The following CDH4 variants were observed in gnomAD, a reference collection of about 807,000 sequenced individuals.
The protein encoded by CDH4 is cadherin-4.
In CDH4, 33 loss-of-function variants were observed where a neutral mutation model predicts 86.0. The ratio of observed to expected loss-of-function variants is 0.38; its 90% CI spans 0.29 to 0.51. The LOEUF (loss-of-function observed/expected upper bound fraction) is 0.51. Ranked by LOEUF, CDH4 falls within the 20% of genes least tolerant of loss-of-function variation. The pLI is 0.86. For missense variants in CDH4, 1,114 were observed against 1,307.4 expected (o/e 0.85, Z 2.28); for synonymous variants, 555 against 549.4 (o/e 1.01, Z -0.14).
intron 4 of CDH4, among the ~76,000 whole-genome samples, chr20:61,794,902 C>G (rs1284223253): frequency 6.6e-6 from 1 of 151,950 alleles, no homozygotes; most frequent in African/African-American, 2.4e-5. Flanking sequence ...GTCAAACTGG[C>G]CTAATTCCTG....
intron 2 of CDH4, among the ~76,000 whole-genome samples, chr20:61,366,777 T>C (rs1346899886): frequency 6.6e-6 from 1 of 152,230 alleles, no homozygotes; most frequent in Non-Finnish European, 1.5e-5. Flanking sequence ...CCTTCCAGCA[T>C]GGGCGTTATG....
At chr20:61,358,337 C>T (rs1407187238) in intron 2 of CDH4, among the ~76,000 whole-genome samples, 2 of 152,198 alleles carry the variant, frequency 1.3e-5, no homozygotes, top group Non-Finnish European at 2.9e-5. Flanking sequence ...CACACAGCAC[C>T]CACATCAGTC....
At chr20:61,874,092 G>A (rs189485365) in intron 7 of CDH4, among the ~76,000 whole-genome samples, 192 bp downstream of exon 7, 455 of 152,306 alleles carry the variant, frequency 3.0e-3, no homozygotes, top group African/African-American at 0.01. Flanking sequence ...TGCTATGAGC[G>A]AGTCCTTGTG....
At chr20:61,727,038 C>T (rs975847214) in intron 2 of CDH4, among the ~76,000 whole-genome samples, 1 of 151,950 alleles carries the variant, frequency 6.6e-6, no homozygotes, top group African/African-American at 2.4e-5. Flanking sequence ...CCATCATCAC[C>T]ATCGCTGCTA....
intron 6 of CDH4, among the ~76,000 whole-genome samples, chr20:61,869,223 A>C (rs6061874): frequency 6.6e-6 from 1 of 152,018 alleles, no homozygotes; most frequent in Admixed American, 6.5e-5. Flanking sequence ...TTAAAAACCA[A>C]TGTTGTCCCT....
At chr20:61,292,282 C>T (rs2084326626) in intron 2 of CDH4, among the ~76,000 whole-genome samples, 1 of 152,222 alleles carries the variant, frequency 6.6e-6, no homozygotes. Flanking sequence ...TAGATATACA[C>T]CATGGAATAT....
chr20:61,816,578 G>A (rs1047661514), intron 4 of CDH4, among the ~76,000 whole-genome samples: 17 of 152,146 alleles, frequency 1.1e-4, no homozygotes, highest in African/African-American at 3.9e-4. Flanking sequence ...GCCGAAATAC[G>A]CTCCATGTGT....
chr20:61,792,315 C>T (rs984813509), intron 4 of CDH4, among the ~76,000 whole-genome samples: 3 of 152,150 alleles, frequency 2.0e-5, no homozygotes, highest in Non-Finnish European at 4.4e-5. Flanking sequence ...GAGGTGCCCA[C>T]GTGTGGGGTG....
At chr20:61,291,994 G>A (rs563277644) in intron 2 of CDH4, among the ~76,000 whole-genome samples, 8 of 152,128 alleles carry the variant, frequency 5.3e-5, no homozygotes, top group African/African-American at 1.4e-4. Flanking sequence ...GAGAACATGC[G>A]GTATTCGGTT....
chr20:61,284,187 T>C (rs981533006), intron 2 of CDH4, among the ~76,000 whole-genome samples: 1 of 148,886 alleles, frequency 6.7e-6, no homozygotes, highest in South Asian at 2.1e-4. Context: ...TAGTGGTGGG[T>C]GCCTGTAGTC....
chr20:61,933,732 G>A (rs1007921585), intron 14 of CDH4, among the ~76,000 whole-genome samples: 2 of 150,382 alleles, frequency 1.3e-5, no homozygotes, highest in Non-Finnish European at 2.9e-5. Context: ...GCCTTGCGGA[G>A]GCCCAGCTCC....
chr20:61,852,933 G>C (rs1982801000), intron 6 of CDH4, 35 bp downstream of exon 6: 1 of 1,610,488 alleles, frequency 6.2e-7, no homozygotes, highest in African/African-American at 1.3e-5. Flanking sequence ...TGGAGACCCT[G>C]TGGGCTCTGC....
At chr20:61,822,936 A>G (rs571955689) in intron 4 of CDH4, among the ~76,000 whole-genome samples, 1 of 152,324 alleles carries the variant, frequency 6.6e-6, no homozygotes, top group East Asian at 1.9e-4. Context: ...CCTCCAGCAC[A>G]GGTGTGCTGG....
At chr20:61,893,553 A>G (rs1984953688) in intron 7 of CDH4, among the ~76,000 whole-genome samples, 1 of 134,378 alleles carries the variant, frequency 7.4e-6, no homozygotes, top group Non-Finnish European at 1.6e-5. Context: ...TGGGTGCATG[A>G]ATAGAGGGAT....
At chr20:61,901,822 T>C (rs961201671) in intron 8 of CDH4, among the ~76,000 whole-genome samples, 25 of 152,208 alleles carry the variant, frequency 1.6e-4, no homozygotes, top group African/African-American at 5.8e-4. Context: ...TTCCGCTCAT[T>C]CAGACCTGCT....
intron 2 of CDH4, among the ~76,000 whole-genome samples, chr20:61,343,495 A>G (rs2084660044): frequency 6.6e-6 from 1 of 152,232 alleles, no homozygotes; most frequent in Non-Finnish European, 1.5e-5. Context: ...GCTCTCAAGC[A>G]ACGTTTGTGA....
intron 2 of CDH4, among the ~76,000 whole-genome samples, chr20:61,522,278 A>AC (rs1268943965): frequency 6.7e-6 from 1 of 150,272 alleles, no homozygotes; most frequent in Non-Finnish European, 1.5e-5. Flanking sequence ...CGGATCGGGA[A>AC]CCCCCCAAGC....
intron 2 of CDH4, among the ~76,000 whole-genome samples, chr20:61,374,011 G>A (rs113351938): frequency 3.0e-4 from 45 of 152,274 alleles, no homozygotes; most frequent in African/African-American, 9.9e-4. Context: ...CAGTGCGCAC[G>A]GCGGGTGTGG....
At chr20:61,585,666 T>G (rs1185569778) in intron 2 of CDH4, among the ~76,000 whole-genome samples, 30 of 140,496 alleles carry the variant, frequency 2.1e-4, no homozygotes, top group African/African-American at 7.1e-4. Context: ...TGATGGTGAT[T>G]GTGATGGTGA....
Sources: allele counts gnomAD v4.1 joint callset (sites outside exome capture counted in the v4.1 genomes callset), GRCh38; gene constraint gnomAD v4.1.1; transcripts MANE v1.5; gene names NCBI Gene and HGNC (gene_info 2026-07-23, HGNC 2026-07-21).